ABITRAM: variants seen among roughly 807,000 people sequenced by gnomAD.
ABITRAM encodes actin binding transcription modulator.
In ABITRAM, 19 loss-of-function variants were observed where a neutral mutation model predicts 22.9. The observed-to-expected ratio is 0.83, with a 90% confidence interval of 0.58 to 1.22. The LOEUF (loss-of-function observed/expected upper bound fraction) is 1.22, where lower values mean the gene tolerates loss of function less well. Ranked by LOEUF, ABITRAM falls within the 50% of genes most tolerant of loss-of-function variation. The probability of loss-of-function intolerance (pLI) is 0.00; values close to 1 mark genes in which losing one functional copy is unlikely to be tolerated. For synonymous variants in ABITRAM, 70 were observed against 73.9 expected (o/e 0.95, Z 0.27); for missense variants, 215 against 220.2 (o/e 0.98, Z 0.15).
downstream of ABITRAM, among the ~76,000 whole-genome samples, chr9:108,943,254 C>A (rs1830299241): frequency 6.6e-6 from 1 of 152,112 alleles, no homozygotes; most frequent in African/African-American, 2.4e-5. Flanking sequence ...CTCATGGAAC[C>A]CCAGCAGAAA....
chr9:108,945,364 T>C (rs533005556), downstream of ABITRAM, among the ~76,000 whole-genome samples: 14 of 152,306 alleles, frequency 9.2e-5, no homozygotes, highest in South Asian at 4.1e-4. Flanking sequence ...GCTAAGTAAA[T>C]CGCAGTTATA....
chr9:108,942,695 A>G (rs1830276075), downstream of ABITRAM: 1 of 1,013,624 alleles, frequency 9.9e-7, no homozygotes, highest in African/African-American at 1.6e-5. Flanking sequence ...TTCTGAAAAG[A>G]TAAAGGATCA....
intron 3 of ABITRAM, among the ~76,000 whole-genome samples, chr9:108,947,154 C>T (rs1369135604): frequency 6.8e-6 from 1 of 146,290 alleles, no homozygotes; most frequent in South Asian, 2.1e-4. Context: ...TGCTCTGTCA[C>T]CCAGACTGGA....
downstream of ABITRAM, among the ~76,000 whole-genome samples, chr9:108,941,272 A>T (rs1419875063): frequency 6.6e-6 from 1 of 152,148 alleles, no homozygotes; most frequent in Admixed American, 6.5e-5. Flanking sequence ...AAGTGGATAA[A>T]CACCTCCACG....
intron 3 of ABITRAM, among the ~76,000 whole-genome samples, chr9:108,947,115 C>CTTT (rs34477684): frequency 2.9e-5 from 4 of 136,276 alleles, no homozygotes; most frequent in Non-Finnish European, 3.1e-5. Flanking sequence ...AAATTTCTTT[C>CTTT]TTTTTTTTTT....
At chr9:108,939,317 A>AT (rs756325069) in intron 4 of ABITRAM, 45 bp downstream of exon 4, 4 of 1,591,476 alleles carry the variant, frequency 2.5e-6, no homozygotes, top group Admixed American at 1.9e-5. Flanking sequence ...AAGGGAGGTA[A>AT]TTTTTTTTCT....
chr9:108,943,885 T>C, downstream of ABITRAM: 1 of 1,598,312 alleles, frequency 6.3e-7, no homozygotes, highest in Non-Finnish European at 8.6e-7. Flanking sequence ...TAAACACATT[T>C]ATACATTGAT....
rs201859996 is a variant in ABITRAM at position 108,934,548 on chromosome 9, C to T, written c.62C>T (p.Thr21Ile). ...CCTTCGCTCGTGGATCGATACTTCACTCGCTGGTACAAACCGGGTAAGTGC... is the reference window on the plus strand; with the variant it reads ...CCTTCGCTCGTGGATCGATACTTCATTCGCTGGTACAAACCGGGTAAGTGC... ...VVPSLVDRYF[T>I]RWYKPDVKGK... The change falls in exon 1 of 6, where the codon ACT becomes ATT. Residue 21 changes from threonine (T) to isoleucine (I), a missense_variant. Thr to Ile is a moderately conservative substitution (Grantham distance 89). Coordinates refer to ENST00000322940, the MANE Select transcript of ABITRAM (RefSeq NM_017832.4). 6.2e-7 allele frequency: 1 copy of T among 1,606,128 alleles called. No homozygotes were observed. The highest frequency in any genetic ancestry group is 2.3e-5 in the East Asian group (1 of 44,192).
intron 3 of ABITRAM, among the ~76,000 whole-genome samples, chr9:108,946,297 CAAA>C (rs35064357): frequency 6.3e-5 from 6 of 95,058 alleles, no homozygotes; most frequent in African/African-American, 2.0e-4. Flanking sequence ...GACTAAGTCT[CAAA>C]AAAAAAAAAA....
At chr9:108,944,438 T>C (rs1180022571), downstream of ABITRAM, among the ~76,000 whole-genome samples, 1 of 152,198 alleles carries the variant, frequency 6.6e-6, no homozygotes, top group African/African-American at 2.4e-5. Flanking sequence ...CAAGACAAAA[T>C]TTGTCACCCA....
downstream of ABITRAM, among the ~76,000 whole-genome samples, chr9:108,944,329 G>C (rs1265620195): frequency 1.3e-5 from 2 of 152,170 alleles, no homozygotes; most frequent in Non-Finnish European, 2.9e-5. Flanking sequence ...GATTACGCAA[G>C]GGACCTAGAG....
chr9:108,945,646 TTG>T (rs1435525433), downstream of ABITRAM, among the ~76,000 whole-genome samples: 4 of 148,650 alleles, frequency 2.7e-5, no homozygotes, highest in Non-Finnish European at 4.4e-5. Flanking sequence ...TTTTTTTGTT[TTG>T]TTTTTTTGTA....
intron 3 of ABITRAM, chr9:108,948,359 A>G: frequency 1.3e-6 from 1 of 769,270 alleles, no homozygotes; most frequent in Admixed American, 3.4e-5. Flanking sequence ...TAATATGAAT[A>G]GACTGATAAT....
At chr9:108,945,360 TA>T (rs1830368848), downstream of ABITRAM, among the ~76,000 whole-genome samples, 1 of 152,232 alleles carries the variant, frequency 6.6e-6, no homozygotes, top group Non-Finnish European at 1.5e-5. Context: ...AAATGCTAAG[TA>T]AATCGCAGTT....
chr9:108,947,040 C>T (rs1830425355), intron 3 of ABITRAM, among the ~76,000 whole-genome samples: 1 of 152,000 alleles, frequency 6.6e-6, no homozygotes, highest in African/African-American at 2.4e-5. Context: ...GACAATCATC[C>T]TCTTAAGCTG....
intron 1 of ABITRAM, among the ~76,000 whole-genome samples, chr9:108,935,147 A>G (rs1616727): frequency 0.58 from 88,006 of 151,992 alleles, 25,782 homozygotes; most frequent in South Asian, 0.7. Flanking sequence ...CCTTTCATTC[A>G]GTGATAATGG....
chr9:108,943,796 A>G (rs184673433), downstream of ABITRAM: 68 of 1,613,662 alleles, frequency 4.2e-5, no homozygotes, highest in Non-Finnish European at 5.2e-5. Flanking sequence ...GGAGAAGCAT[A>G]AGCTTGTCAT....
chr9:108,934,481 G>T lies in ABITRAM; in HGVS notation c.-6G>T. The T allele has an allele frequency of 6.3e-7, 1 of 1,598,474 alleles. No individual in the cohort carries two copies. On this transcript the variant is annotated 5_prime_UTR_variant, in exon 1 of 6. Transcript: ENST00000322940. ...GAGGGCGGGGGTGGCGGCGCCGGAG[G>T]TCGCCATGGCTACCGAGCCCGAAGC...
At chr9:108,942,530 A>T (rs940306063), downstream of ABITRAM, 2 of 514,470 alleles carry the variant, frequency 3.9e-6, no homozygotes, top group African/African-American at 3.9e-5. Flanking sequence ...CTTTTAAAGA[A>T]CATTAGTGCA....
Sources: allele counts gnomAD v4.1 joint callset (sites outside exome capture counted in the v4.1 genomes callset), GRCh38; gene constraint gnomAD v4.1.1; transcripts MANE v1.5; gene names NCBI Gene and HGNC (gene_info 2026-07-23, HGNC 2026-07-21).